Variants in UBE2E3 observed in about 807,000 individuals in gnomAD.
UBE2E3 encodes ubiquitin conjugating enzyme E2 E3.
In UBE2E3, 5 loss-of-function variants were observed where a neutral mutation model predicts 23.6. That is an observed-to-expected ratio of 0.21 (90% confidence interval 0.11 to 0.44). The LOEUF is 0.44. Ranked by LOEUF, UBE2E3 falls within the 20% of genes least tolerant of loss-of-function variation. The probability of loss-of-function intolerance (pLI) is 0.99; values close to 1 mark genes in which losing one functional copy is unlikely to be tolerated. For synonymous variants in UBE2E3, 78 were observed against 87.5 expected, an observed-to-expected ratio of 0.89 and a Z score of 0.60; for missense variants, 81 against 249.8, an observed-to-expected ratio of 0.32 and a Z score of 4.55.
chr2:181,015,675 G>A (rs1484865950), intron 3 of UBE2E3, among the ~76,000 whole-genome samples: 5 of 152,024 alleles, frequency 3.3e-5, no homozygotes, highest in Non-Finnish European at 7.4e-5. Context: ...ATTGGTTTTA[G>A]GAAGTCACTA....
intron 3 of UBE2E3, among the ~76,000 whole-genome samples, chr2:181,056,451 G>A (rs1461497648): frequency 1.3e-5 from 2 of 151,754 alleles, no homozygotes; most frequent in Non-Finnish European, 2.9e-5. Flanking sequence ...ACAGTGGAAA[G>A]GCAGGCATCA....
intron 3 of UBE2E3, among the ~76,000 whole-genome samples, chr2:180,994,307 T>TGATGAACC (rs1248879695): frequency 6.6e-6 from 1 of 152,186 alleles, no homozygotes; most frequent in African/African-American, 2.4e-5. Context: ...CAGGCTGGTA[T>TGATGAACC]GATGAACCCC....
intron 3 of UBE2E3, among the ~76,000 whole-genome samples, chr2:181,001,230 C>T (rs1684979659): frequency 6.6e-6 from 1 of 152,234 alleles, no homozygotes; most frequent in East Asian, 1.9e-4. Flanking sequence ...TGAGTTACTA[C>T]ATTTAATGTA....
At chr2:181,021,057 A>G (rs983628192) in intron 3 of UBE2E3, among the ~76,000 whole-genome samples, 1 of 152,238 alleles carries the variant, frequency 6.6e-6, no homozygotes, top group Non-Finnish European at 1.5e-5. Flanking sequence ...TTACCCTACT[A>G]TATGTGAAAA....
chr2:181,032,462 C>T (rs751398674), intron 3 of UBE2E3, among the ~76,000 whole-genome samples: 1 of 152,040 alleles, frequency 6.6e-6, no homozygotes, highest in Non-Finnish European at 1.5e-5. Flanking sequence ...TAGTAGATAG[C>T]GTGGATAAGA....
intron 3 of UBE2E3, among the ~76,000 whole-genome samples, chr2:181,051,229 TC>T: frequency 6.6e-6 from 1 of 151,926 alleles, no homozygotes; most frequent in Non-Finnish European, 1.5e-5. Context: ...CTTTTTTCAC[TC>T]AGCATTATTT....
intron 5 of UBE2E3, among the ~76,000 whole-genome samples, chr2:181,061,992 T>C (rs1687169730): frequency 6.6e-6 from 1 of 151,520 alleles, no homozygotes; most frequent in Admixed American, 6.6e-5. Context: ...TATGAACTAA[T>C]AGGGAAATAT....
chr2:181,051,345 G>C (rs1032664710), intron 3 of UBE2E3, among the ~76,000 whole-genome samples: 1 of 151,616 alleles, frequency 6.6e-6, no homozygotes, highest in East Asian at 1.9e-4. Flanking sequence ...AGTTTTTTCA[G>C]TATTTTAAAC....
intron 3 of UBE2E3, among the ~76,000 whole-genome samples, chr2:181,021,355 TTC>T (rs548493720): frequency 9.3e-5 from 13 of 139,838 alleles, no homozygotes; most frequent in Non-Finnish European, 1.6e-4. Flanking sequence ...TTCTTTTCTC[TTC>T]TTTTTTTTTT....
chr2:180,999,294 C>T (rs1054213300), intron 3 of UBE2E3, among the ~76,000 whole-genome samples: 1 of 152,110 alleles, frequency 6.6e-6, no homozygotes, highest in Non-Finnish European at 1.5e-5. Context: ...CAAGAAATAC[C>T]ACAATACCAA....
At chr2:181,021,562 T>TTCCTCCCTCCCTC (rs1685681563) in intron 3 of UBE2E3, among the ~76,000 whole-genome samples, 1 of 35,334 alleles carries the variant, frequency 2.8e-5, no homozygotes, top group Non-Finnish European at 5.7e-5. Context: ...CTCCCTTCCT[T>TTCCTCCCTCCCTC]CCTTCCTTCC....
intron 3 of UBE2E3, among the ~76,000 whole-genome samples, chr2:181,023,373 C>T (rs1685769172): frequency 6.6e-6 from 1 of 152,174 alleles, no homozygotes; most frequent in Non-Finnish European, 1.5e-5. Context: ...ACATCCTCTA[C>T]TTTTGTCTTC....
At chr2:180,985,853 A>G (rs777224154) in intron 3 of UBE2E3, among the ~76,000 whole-genome samples, 1 of 152,080 alleles carries the variant, frequency 6.6e-6, no homozygotes, top group Non-Finnish European at 1.5e-5. Flanking sequence ...GCATAAATCT[A>G]GAGAGCCTAG....
At chr2:181,043,104 G>C (rs966647063) in intron 3 of UBE2E3, among the ~76,000 whole-genome samples, 44 of 152,146 alleles carry the variant, frequency 2.9e-4, no homozygotes, top group African/African-American at 1.0e-3. Flanking sequence ...TTAAATAAAA[G>C]TATATAACAG....
At chr2:181,015,356 AT>A (rs927687307) in intron 3 of UBE2E3, among the ~76,000 whole-genome samples, 4 of 152,030 alleles carry the variant, frequency 2.6e-5, no homozygotes, top group East Asian at 3.9e-4. Context: ...GGTGACTTGC[AT>A]TTTTTTTATT....
chr2:181,042,752 A>C (rs956872926), intron 3 of UBE2E3, among the ~76,000 whole-genome samples: 2 of 152,208 alleles, frequency 1.3e-5, no homozygotes, highest in African/African-American at 4.8e-5. Flanking sequence ...TCCCAGGCCA[A>C]ATGTGCTAAG....
At chr2:181,033,055 C>T (rs1408538800) in intron 3 of UBE2E3, among the ~76,000 whole-genome samples, 1 of 152,188 alleles carries the variant, frequency 6.6e-6, no homozygotes, top group African/African-American at 2.4e-5. Flanking sequence ...GAAGAACATT[C>T]CATGCTCATG....
At chr2:180,983,570 A>C (rs187130380) in intron 2 of UBE2E3, among the ~76,000 whole-genome samples, 46 of 152,326 alleles carry the variant, frequency 3.0e-4, no homozygotes, top group African/African-American at 1.0e-3. Context: ...TGTAAATTTT[A>C]AACTTTTTTT....
At chr2:181,007,199 C>T (rs1518455) in intron 3 of UBE2E3, among the ~76,000 whole-genome samples, 35,359 of 152,062 alleles carry the variant, frequency 0.23, 4,483 homozygotes, top group Non-Finnish European at 0.28. Flanking sequence ...ATCTTAATGC[C>T]CACTGCCCCT....
Sources: gnomAD v4.1 joint callset for allele counts (sites outside exome capture counted in the v4.1 genomes callset) on GRCh38, gnomAD v4.1.1 for gene constraint, MANE v1.5 for transcripts, NCBI Gene and HGNC (gene_info 2026-07-23, HGNC 2026-07-21) for gene names.